Variants in TCERG1L observed in about 807,000 individuals in gnomAD.
TCERG1L encodes transcription elongation regulator 1-like protein.
In TCERG1L, 37 loss-of-function variants were observed where a neutral mutation model predicts 56.3. The observed-to-expected ratio is 0.66, with a 90% confidence interval of 0.51 to 0.87. TCERG1L has a LOEUF of 0.87. Ranked by LOEUF, TCERG1L falls within the 40% of genes least tolerant of loss-of-function variation. The probability of loss-of-function intolerance (pLI) is 0.00; values close to 1 mark genes in which losing one functional copy is unlikely to be tolerated. For synonymous variants in TCERG1L, 324 were observed against 326.3 expected, an observed-to-expected ratio of 0.99 and a Z score of 0.08; for missense variants, 799 against 774.2, an observed-to-expected ratio of 1.03 and a Z score of -0.38.
chr10:131,287,731 A>C (rs1294759074), intron 3 of TCERG1L, among the ~76,000 whole-genome samples: 2 of 152,212 alleles, frequency 1.3e-5, no homozygotes, highest in Admixed American at 6.5e-5. Flanking sequence ...TGCAGATACC[A>C]CACAAGCAGC....
intron 6 of TCERG1L, 199 bp downstream of exon 6, chr10:131,162,923 C>T (rs1005185397): frequency 4.5e-5 from 23 of 510,594 alleles, no homozygotes; most frequent in Middle Eastern, 5.0e-4. Flanking sequence ...AGCAGGATAG[C>T]TCATCGCTTA....
In TCERG1L at chr10:131,267,907, C is replaced by T. The variant is rs1846302971; in HGVS notation, c.671-7463G>A. Among the ~76,000 whole-genome samples the T allele has an allele frequency of 6.6e-6, 1 of 152,202 alleles. No individual in the cohort carries two copies. Among genetic ancestry groups the T allele is most frequent in the African/African-American group, 2.4e-5 (1 of 41,450 alleles). ...TGTTGCCACAAGTTCCCCGGGGGCC[C>T]TAGTGCTCAGGGGTGGTCCAGGGCT... On this transcript the variant is annotated intron_variant, in intron 3 of 11. Coordinates refer to ENST00000368642, the MANE Select transcript of TCERG1L (RefSeq NM_174937.4). This position sits in a 1 kb window ranked among gnomAD's most constrained non-coding sequence, Gnocchi z 4.9.
chr10:131,193,615 T>A (rs1288185024), intron 4 of TCERG1L, among the ~76,000 whole-genome samples: 2 of 152,230 alleles, frequency 1.3e-5, no homozygotes, highest in Non-Finnish European at 2.9e-5. Context: ...CTTTCTCCAA[T>A]GTCTTGTCAG....
chr10:131,110,877 G>A (rs894017852), intron 9 of TCERG1L, among the ~76,000 whole-genome samples: 1 of 143,966 alleles, frequency 6.9e-6, no homozygotes, highest in African/African-American at 2.5e-5. Flanking sequence ...TGCCCCATGC[G>A]TGTGATGGCT....
intron 3 of TCERG1L, among the ~76,000 whole-genome samples, chr10:131,292,741 T>C (rs1229282291): frequency 6.6e-6 from 1 of 152,148 alleles, no homozygotes; most frequent in Non-Finnish European, 1.5e-5. Flanking sequence ...GTTTATCTAA[T>C]TACTTAAAAA....
intron 4 of TCERG1L, among the ~76,000 whole-genome samples, chr10:131,172,233 G>A (rs931837837): frequency 1.3e-5 from 2 of 152,090 alleles, no homozygotes; most frequent in African/African-American, 4.8e-5. Flanking sequence ...CCGGGGAGGA[G>A]GGGAACCCGG....
intron 7 of TCERG1L, 123 bp downstream of exon 7, chr10:131,146,383 C>T: frequency 3.5e-6 from 4 of 1,140,524 alleles, no homozygotes; most frequent in Non-Finnish European, 4.8e-6. Context: ...CAATCGGGCA[C>T]AGGATTCCTT....
At chr10:131,165,473 C>G (rs1231137451) in intron 5 of TCERG1L, among the ~76,000 whole-genome samples, 1 of 152,020 alleles carries the variant, frequency 6.6e-6, no homozygotes, top group East Asian at 1.9e-4. Flanking sequence ...TACAGGTTTT[C>G]TAGTAATAGG....
chr10:131,101,439 A>T (rs562776890), intron 10 of TCERG1L, among the ~76,000 whole-genome samples: 173 of 152,326 alleles, frequency 1.1e-3, no homozygotes, highest in Non-Finnish European at 1.6e-3. Context: ...TTTTAAAGGG[A>T]CTAACGGCCT....
At chr10:131,150,537 G>A (rs1033400134) in intron 6 of TCERG1L, among the ~76,000 whole-genome samples, 13 of 152,172 alleles carry the variant, frequency 8.5e-5, no homozygotes, top group East Asian at 3.9e-4. Context: ...TTGGTAACTC[G>A]CCAGCTTTCC....
chr10:131,251,394 G>A (rs1186290149), intron 4 of TCERG1L, among the ~76,000 whole-genome samples: 8 of 149,320 alleles, frequency 5.4e-5, no homozygotes, highest in African/African-American at 1.5e-4. Flanking sequence ...CACAGACCTC[G>A]GGCCAGCCCC....
intron 4 of TCERG1L, among the ~76,000 whole-genome samples, chr10:131,181,076 C>T (rs375705901): frequency 1.4e-4 from 21 of 152,318 alleles, no homozygotes; most frequent in South Asian, 1.2e-3. Flanking sequence ...TGCCACTGCC[C>T]GCCACAGACC....
intron 3 of TCERG1L, among the ~76,000 whole-genome samples, chr10:131,290,781 T>TA (rs1165254631): frequency 3.3e-5 from 2 of 60,714 alleles, no homozygotes; most frequent in Non-Finnish European, 9.0e-5. Context: ...CGTAAACACT[T>TA]ACCACATTGG....
At chr10:131,121,495 C>T (rs1845512425) in intron 8 of TCERG1L, among the ~76,000 whole-genome samples, 1 of 152,254 alleles carries the variant, frequency 6.6e-6, no homozygotes, top group Admixed American at 6.5e-5. Flanking sequence ...CTGCCATCAA[C>T]TTATTAGCTC....
intron 11 of TCERG1L, among the ~76,000 whole-genome samples, chr10:131,094,573 G>A (rs1209375360): frequency 1.3e-5 from 2 of 152,158 alleles, no homozygotes; most frequent in East Asian, 3.9e-4. Context: ...CTCTCCGTCT[G>A]TGGGGGTGCT....
At chr10:131,234,574 G>A (rs1006599929) in intron 4 of TCERG1L, among the ~76,000 whole-genome samples, 1 of 152,206 alleles carries the variant, frequency 6.6e-6, no homozygotes, top group African/African-American at 2.4e-5. Context: ...CATCACGGGA[G>A]AAAGAGTGTA....
At chr10:131,217,360 C>T (rs985478547) in intron 4 of TCERG1L, among the ~76,000 whole-genome samples, 3 of 152,142 alleles carry the variant, frequency 2.0e-5, no homozygotes, top group Non-Finnish European at 4.4e-5. Flanking sequence ...GAACACCAAG[C>T]AGATGTGGCC....
intron 3 of TCERG1L, among the ~76,000 whole-genome samples, chr10:131,268,764 T>G (rs773320195): frequency 2.6e-5 from 4 of 152,252 alleles, no homozygotes; most frequent in Non-Finnish European, 4.4e-5. Flanking sequence ...CTCTGTTAGC[T>G]TCAAACTTTT....
At chr10:131,293,792 G>A (rs1846660209) in intron 3 of TCERG1L, among the ~76,000 whole-genome samples, 1 of 152,194 alleles carries the variant, frequency 6.6e-6, no homozygotes, top group Non-Finnish European at 1.5e-5. Context: ...AACTCTTACA[G>A]ACTGCAAGTT....
Sources: allele counts gnomAD v4.1 joint callset (sites outside exome capture counted in the v4.1 genomes callset), GRCh38; gene constraint gnomAD v4.1.1; non-coding constraint Gnocchi (gnomAD v3.1); transcripts MANE v1.5; gene names NCBI Gene and HGNC (gene_info 2026-07-23, HGNC 2026-07-21).